Variants in B3GLCT observed in about 807,000 individuals in gnomAD.
B3GLCT encodes the protein beta-1,3-glucosyltransferase.
A neutral mutation model predicts 63.4 loss-of-function variants in B3GLCT; 65 were observed. That is an observed-to-expected ratio of 1.03 (90% CI 0.84 to 1.26). The LOEUF is 1.26. Ranked by LOEUF, B3GLCT falls within the 50% of genes most tolerant of loss-of-function variation. The probability of loss-of-function intolerance (pLI) is 0.00; values close to 1 mark genes in which losing one functional copy is unlikely to be tolerated. For synonymous variants in B3GLCT, 233 were observed against 219.2 expected (o/e 1.06, Z -0.55); for missense variants, 577 against 604.8 (o/e 0.95, Z 0.48).
chr13:31,315,701 G>T (rs1874965334), intron 12 of B3GLCT, among the ~76,000 whole-genome samples: 1 of 152,248 alleles, frequency 6.6e-6, no homozygotes, highest in Non-Finnish European at 1.5e-5. Flanking sequence ...AAGTAACAAG[G>T]AGCTGAATGT....
rs771630999 is a variant in B3GLCT, at chr13:31,229,299, G to A, written c.270+5G>A. The A allele has an allele frequency of 7.1e-6, 11 of 1,539,160 alleles. No individual in the cohort carries two copies. The highest frequency in any genetic ancestry group is 2.7e-5 in the African/African-American group (2 of 73,368). On this transcript the variant is annotated splice_donor_5th_base_variant and intron_variant, in intron 4 of 14. Coordinates refer to ENST00000343307, the MANE Select transcript of B3GLCT (RefSeq NM_194318.4). Reference sequence around the variant, plus strand: ...CAGGCTGCAGATCTTACACAGGTACGTAGCGATGGCTGGGGGGTCTGCCAG... The same window carrying A: ...CAGGCTGCAGATCTTACACAGGTACATAGCGATGGCTGGGGGGTCTGCCAG...
At position 31,215,032 on chromosome 13, in the gene B3GLCT, CTT is replaced by C. The variant is rs398022187; in HGVS notation, c.71-6_71-5del. The C allele has an allele frequency of 0.066, 70,779 of 1,071,834 alleles. No homozygotes were observed. The highest frequency in any genetic ancestry group is 0.086 in the South Asian group (5,036 of 58,756). The allele number at this position is 1,071,834 out of a possible 1,614,324, so 66.4% of individuals were successfully genotyped here. ...TGCTAATTCTAAGGTAGAAATATTT[CTT>C]TTTTTTTTTTTTCCAGCTTTTGGTT... On this transcript the variant is annotated splice_polypyrimidine_tract_variant and intron_variant, in intron 1 of 14. Transcript: ENST00000343307.
intron 3 of B3GLCT, among the ~76,000 whole-genome samples, chr13:31,227,256 C>G (rs1265043508): frequency 6.6e-6 from 1 of 152,032 alleles, no homozygotes; most frequent in Non-Finnish European, 1.5e-5. Flanking sequence ...GTGCACACAT[C>G]TGAGTTTCTC....
Position 31,331,428 on chromosome 13 carries a change from G to A in B3GLCT, c.*1760G>A, listed in dbSNP as rs571720302. On this transcript the variant is annotated 3_prime_UTR_variant, in exon 15 of 15. Coordinates refer to ENST00000343307, the MANE Select transcript of B3GLCT (RefSeq NM_194318.4). ...CTGATTAGTGCCTTCTACTGATACCGGGGCACCTCCTCTGGTACTTTTAAG... is the reference window on the plus strand; with the variant it reads ...CTGATTAGTGCCTTCTACTGATACCAGGGCACCTCCTCTGGTACTTTTAAG... 6.6e-5 allele frequency: 10 copies of A among 151,934 alleles called. No individual in the cohort carries two copies. The highest frequency in any genetic ancestry group is 2.1e-4 in the South Asian group (1 of 4,778). 9.4% of individuals were successfully genotyped at this position (151,934 alleles called of 1,614,324 possible). A position where few individuals can be genotyped will look rare whatever the true frequency, so the allele number is the denominator to read the frequency against.
intron 4 of B3GLCT, among the ~76,000 whole-genome samples, chr13:31,230,406 A>G (rs979689556): frequency 4.6e-4 from 70 of 152,244 alleles, no homozygotes; most frequent in Admixed American, 4.6e-3. Flanking sequence ...GACAAGAGAC[A>G]TATGTGCGTG....
At position 31,271,879 on chromosome 13, in the gene B3GLCT, A is replaced by G. The variant is rs75552272; in HGVS notation, c.660+2602A>G. 6.7e-3 allele frequency among the ~76,000 whole-genome samples: 1,025 copies of G among 152,314 alleles called. 14 individuals carry two copies. Among genetic ancestry groups the G allele is most frequent in the African/African-American group, 0.024 (991 of 41,574 alleles). The stretch of plus-strand genomic sequence containing the variant: ...AGGCTATGTTAATTAGATGCATACA[A>G]ACTTAGAATTGTTACATCCTCTTAG... On this transcript the variant is annotated intron_variant, in intron 8 of 14. Transcript: ENST00000343307.
At chr13:31,237,137 A>G (rs539450182) in intron 4 of B3GLCT, among the ~76,000 whole-genome samples, 8 of 151,608 alleles carry the variant, frequency 5.3e-5, no homozygotes, top group African/African-American at 1.9e-4. Flanking sequence ...AAAAAAAAAA[A>G]AGAGAGATCC....
intron 6 of B3GLCT, among the ~76,000 whole-genome samples, chr13:31,253,518 G>A (rs1349492586): frequency 1.4e-5 from 2 of 148,040 alleles, no homozygotes; most frequent in African/African-American, 2.5e-5. Context: ...GCGTGAACCC[G>A]GCAGGTGGAG....
chr13:31,223,089 G>A, intron 3 of B3GLCT, 98 bp downstream of exon 3: 1 of 831,296 alleles, frequency 1.2e-6, no homozygotes, highest in East Asian at 2.6e-5. Context: ...TTATTTATGG[G>A]GTAAATATTG....
chr13:31,293,364 T>A (rs1489156414), intron 12 of B3GLCT, among the ~76,000 whole-genome samples: 1 of 152,188 alleles, frequency 6.6e-6, no homozygotes, highest in African/African-American at 2.4e-5. Context: ...CTTGTTAATT[T>A]TCTGTCTCGT....
intron 1 of B3GLCT, among the ~76,000 whole-genome samples, chr13:31,213,621 A>ACCAC (rs1869397714): frequency 2.0e-4 from 11 of 55,038 alleles, no homozygotes; most frequent in African/African-American, 8.4e-4. Flanking sequence ...CCCCCACCCC[A>ACCAC]CCCCCCCCCC....
chr13:31,244,823 T>C (rs1871120420), intron 4 of B3GLCT, among the ~76,000 whole-genome samples: 2 of 152,188 alleles, frequency 1.3e-5, no homozygotes, highest in African/African-American at 4.8e-5. Flanking sequence ...TAGATTAAAA[T>C]TTATTTACAA....
At chr13:31,298,880 A>G (rs1874089791) in intron 12 of B3GLCT, among the ~76,000 whole-genome samples, 1 of 152,228 alleles carries the variant, frequency 6.6e-6, no homozygotes, top group Non-Finnish European at 1.5e-5. Flanking sequence ...ATCAGGCCCT[A>G]AGGAATTTTG....
Position 31,332,179 on chromosome 13 carries a change from T to G in B3GLCT, c.*2511T>G, listed in dbSNP as rs1251374451. On this transcript the variant is annotated 3_prime_UTR_variant, in exon 15 of 15. Transcript: ENST00000343307. ...TGTTGTATATATCCTCAAAAATTAA[T>G]GTAATTGACATCTTCAAGAATGTTT... 2 of 152,204 alleles carry G rather than the reference T, an allele frequency of 1.3e-5. No individual in the cohort carries two copies. Among genetic ancestry groups the G allele is most frequent in the Non-Finnish European group, 2.9e-5 (2 of 68,006 alleles). The allele number at this position is 152,204 out of a possible 1,614,324, so 9.4% of individuals were successfully genotyped here.
chr13:31,248,565 T>C (rs1258363254), intron 6 of B3GLCT, among the ~76,000 whole-genome samples: 3 of 152,176 alleles, frequency 2.0e-5, no homozygotes, highest in South Asian at 4.1e-4. Flanking sequence ...ACATTTAATC[T>C]GAGTTCTGTA....
intron 12 of B3GLCT, among the ~76,000 whole-genome samples, chr13:31,310,522 G>A (rs1874649652): frequency 6.6e-6 from 1 of 152,192 alleles, no homozygotes; most frequent in African/African-American, 2.4e-5. Flanking sequence ...CTGAGCCAGA[G>A]CTGTAACACT....
At chr13:31,210,103 A>T (rs1475551732) in intron 1 of B3GLCT, among the ~76,000 whole-genome samples, 1 of 152,160 alleles carries the variant, frequency 6.6e-6, no homozygotes, top group African/African-American at 2.4e-5. Flanking sequence ...TAGTTGTAAA[A>T]TCTTGATTTA....
chr13:31,243,619 C>T (rs1400505008), intron 4 of B3GLCT, among the ~76,000 whole-genome samples: 1 of 152,096 alleles, frequency 6.6e-6, no homozygotes, highest in Non-Finnish European at 1.5e-5. Context: ...GAATCAAACC[C>T]CTTTCCCAAA....
At chr13:31,218,967 G>C (rs1376659411) in intron 2 of B3GLCT, among the ~76,000 whole-genome samples, 2 of 150,658 alleles carry the variant, frequency 1.3e-5, no homozygotes, top group Admixed American at 1.3e-4. Flanking sequence ...TGATCATGTG[G>C]TTTTTGAAAA....
Sources: gnomAD v4.1 joint callset for allele counts (sites outside exome capture counted in the v4.1 genomes callset) on GRCh38, gnomAD v4.1.1 for gene constraint, MANE v1.5 for transcripts, NCBI Gene and HGNC (gene_info 2026-07-23, HGNC 2026-07-21) for gene names.